SLC4A10: variants seen among roughly 807,000 people sequenced by gnomAD.
SLC4A10 encodes the protein solute carrier family 4 member 10, also known as sodium-driven chloride bicarbonate exchanger.
In SLC4A10, 42 loss-of-function variants were observed where a neutral mutation model predicts 137.7. The observed-to-expected ratio is 0.30, with a 90% confidence interval of 0.24 to 0.39. The LOEUF is 0.39. Among genes scored for constraint, SLC4A10 ranks in the 10% least tolerant of loss-of-function variants. SLC4A10 has a pLI of 1.00. For missense variants in SLC4A10, 925 were observed against 1,355.0 expected (o/e 0.68, Z 4.98); for synonymous variants, 474 against 464.1 (o/e 1.02, Z -0.27).
intron 1 of SLC4A10, among the ~76,000 whole-genome samples, chr2:161,652,736 T>TGG (rs2036971319): frequency 6.6e-6 from 1 of 151,678 alleles, no homozygotes; most frequent in African/African-American, 2.4e-5. Flanking sequence ...TGACCATTGA[T>TGG]CAGCAACTTT....
chr2:161,642,583 C>A (rs1383464433), intron 1 of SLC4A10, among the ~76,000 whole-genome samples: 1 of 151,872 alleles, frequency 6.6e-6, no homozygotes, highest in African/African-American at 2.4e-5. Flanking sequence ...ATTAATGAAT[C>A]TTAAATTTTA....
At chr2:161,755,693 G>A (rs2049546076) in intron 1 of SLC4A10, among the ~76,000 whole-genome samples, 1 of 151,640 alleles carries the variant, frequency 6.6e-6, no homozygotes, top group Admixed American at 6.6e-5. Context: ...CATCCCTTTA[G>A]AATACTTGCT....
At chr2:161,842,899 C>T (rs1388495710) in intron 4 of SLC4A10, among the ~76,000 whole-genome samples, 4 of 152,108 alleles carry the variant, frequency 2.6e-5, no homozygotes, top group Non-Finnish European at 5.9e-5. Flanking sequence ...AGACCAGAAG[C>T]ATCTGTCTGC....
intron 1 of SLC4A10, among the ~76,000 whole-genome samples, chr2:161,667,183 C>G (rs2039146856): frequency 6.6e-6 from 1 of 151,538 alleles, no homozygotes; most frequent in Admixed American, 6.6e-5. Flanking sequence ...GGTTTGGGTT[C>G]TATTTCTACC....
At chr2:161,939,116 G>A (rs1009136981) in intron 15 of SLC4A10, among the ~76,000 whole-genome samples, 9 of 151,402 alleles carry the variant, frequency 5.9e-5, no homozygotes, top group East Asian at 3.9e-4. Flanking sequence ...TCGCTCTGTC[G>A]CCAGGCAGAG....
intron 1 of SLC4A10, among the ~76,000 whole-genome samples, chr2:161,640,993 C>T (rs978088966): frequency 1.3e-5 from 2 of 152,126 alleles, no homozygotes; most frequent in African/African-American, 4.8e-5. Flanking sequence ...GTATAAGTCT[C>T]CAGCCTCATC....
At chr2:161,738,883 G>A (rs2047603628) in intron 1 of SLC4A10, among the ~76,000 whole-genome samples, 1 of 152,156 alleles carries the variant, frequency 6.6e-6, no homozygotes, top group African/African-American at 2.4e-5. Flanking sequence ...GCAAGGTTAT[G>A]TAAGTGCAGA....
At chr2:161,865,771 G>A (rs1404087320) in intron 6 of SLC4A10, among the ~76,000 whole-genome samples, 1 of 151,862 alleles carries the variant, frequency 6.6e-6, no homozygotes, top group Non-Finnish European at 1.5e-5. Flanking sequence ...ACAAACTCTA[G>A]ATATATAAAC....
At chr2:161,879,313 G>A in intron 9 of SLC4A10, 25 bp downstream of exon 9, 1 of 1,568,524 alleles carries the variant, frequency 6.4e-7, no homozygotes, top group Non-Finnish European at 8.7e-7. Flanking sequence ...AGCGTCTTTT[G>A]TATTTTTCTT....
intron 15 of SLC4A10, among the ~76,000 whole-genome samples, chr2:161,918,347 G>C (rs950841360): frequency 6.6e-6 from 1 of 151,944 alleles, no homozygotes; most frequent in Non-Finnish European, 1.5e-5. Context: ...GTAGAGACAG[G>C]GTTTTACCAT....
rs763437005 is a variant in SLC4A10 at position 161,879,213 on chromosome 2, G to T, written c.1031G>T (p.Arg344Leu). 1 of 1,613,370 alleles carries T rather than the reference G, an allele frequency of 6.2e-7. No individual in the cohort carries two copies. Among genetic ancestry groups the T allele is most frequent in the South Asian group, 1.1e-5 (1 of 91,030 alleles). The change falls in exon 9 of 27, where the codon CGA (arginine) becomes CTA (leucine). Residue 344 changes from arginine (R) to leucine (L), a missense_variant. Physicochemically the swap from Arg to Leu is moderately radical, Grantham distance 102 (BLOSUM62 -2). Transcript: ENST00000446997. ...ILVGELEFLD[R>L]TVVAFVRLSP... ...GTGGGAGAACTGGAGTTCTTGGATC[G>T]AACAGTAGTTGCGTTTGTCAGGTTG...
intron 1 of SLC4A10, among the ~76,000 whole-genome samples, chr2:161,721,097 T>A (rs1354179451): frequency 6.6e-6 from 1 of 152,066 alleles, no homozygotes; most frequent in African/African-American, 2.4e-5. Flanking sequence ...CCAAAGTGCT[T>A]GGATTACAGG....
At chr2:161,931,683 A>G (rs1690422063) in intron 15 of SLC4A10, among the ~76,000 whole-genome samples, 1 of 152,210 alleles carries the variant, frequency 6.6e-6, no homozygotes. Context: ...CCACGCTTCA[A>G]ATGAGTAGAA....
intron 1 of SLC4A10, among the ~76,000 whole-genome samples, chr2:161,692,177 A>G (rs967181068): frequency 2.0e-5 from 3 of 152,102 alleles, no homozygotes; most frequent in African/African-American, 4.8e-5. Flanking sequence ...ACTTGTAAGC[A>G]TATGGTTCCA....
chr2:161,943,352 T>C (rs962717928), intron 16 of SLC4A10, among the ~76,000 whole-genome samples: 1 of 152,070 alleles, frequency 6.6e-6, no homozygotes, highest in African/African-American at 2.4e-5. Flanking sequence ...ATATCACTTT[T>C]CTTCACAAAA....
chr2:161,911,754 T>G (rs1685911091), intron 15 of SLC4A10, among the ~76,000 whole-genome samples: 1 of 152,106 alleles, frequency 6.6e-6, no homozygotes, highest in Non-Finnish European at 1.5e-5. Context: ...TGAACATGTT[T>G]ATTCATATTT....
chr2:161,751,352 CT>C (rs71889107), intron 1 of SLC4A10, among the ~76,000 whole-genome samples: 26,278 of 111,926 alleles, frequency 0.23, 2,713 homozygotes, highest in East Asian at 0.49. Flanking sequence ...TTGCATTTTG[CT>C]TTTTTTTTTT....
At chr2:161,812,829 C>T (rs192366722) in intron 3 of SLC4A10, among the ~76,000 whole-genome samples, 8 of 151,958 alleles carry the variant, frequency 5.3e-5, no homozygotes, top group Admixed American at 2.0e-4. Context: ...TGAACATGCA[C>T]GTATATGTCA....
intron 1 of SLC4A10, among the ~76,000 whole-genome samples, chr2:161,635,167 AT>A (rs899790216): frequency 4.0e-5 from 6 of 151,680 alleles, no homozygotes; most frequent in African/African-American, 7.3e-5. Context: ...CCCTTTATGT[AT>A]TTTTTTTAAG....
Sources: allele counts gnomAD v4.1 joint callset (sites outside exome capture counted in the v4.1 genomes callset), GRCh38; gene constraint gnomAD v4.1.1; transcripts MANE v1.5; gene names NCBI Gene and HGNC (gene_info 2026-07-23, HGNC 2026-07-21).